The following TLN2 variants were observed in gnomAD, a reference collection of about 807,000 sequenced individuals.
TLN2 encodes talin-2.
In TLN2, 118 loss-of-function variants were observed where a neutral mutation model predicts 294.7. The ratio of observed to expected loss-of-function variants is 0.40; its 90% CI spans 0.34 to 0.47. TLN2 has a LOEUF of 0.47. Among genes scored for constraint, TLN2 ranks in the 20% least tolerant of loss-of-function variants. The pLI is 0.84. For synonymous variants in TLN2, 1,431 were observed against 1,304.5 expected (o/e 1.10, Z -2.09); for missense variants, 3,083 against 3,282.2 (o/e 0.94, Z 1.48).
chr15:62,405,096 G>C (rs963703771), intron 1 of TLN2, among the ~76,000 whole-genome samples: 4 of 152,202 alleles, frequency 2.6e-5, no homozygotes, highest in African/African-American at 9.7e-5. Flanking sequence ...GCTCAGAGGG[G>C]TGTGACGCTT....
At chr15:62,643,283 T>C (rs951556943) in intron 3 of TLN2, among the ~76,000 whole-genome samples, 8 of 152,036 alleles carry the variant, frequency 5.3e-5, no homozygotes, top group African/African-American at 1.9e-4. Context: ...TGGCCTTATC[T>C]CAAGCTTGGA....
At chr15:62,724,872 A>C in intron 26 of TLN2, 104 bp from the exon 27 acceptor site, 1 of 1,375,870 alleles carries the variant, frequency 7.3e-7, no homozygotes, top group Non-Finnish European at 9.6e-7. Context: ...CTGGATTTGG[A>C]GAATCACTGG....
Position 62,455,205 on chromosome 15 carries a change from C to T in TLN2, c.-238+64520C>T, listed in dbSNP as rs533494256. 1.1e-4 allele frequency among the ~76,000 whole-genome samples: 16 copies of T among 152,148 alleles called. No homozygotes were observed. In the East Asian group the frequency reaches 1.5e-3, roughly 15 times the overall value. On this transcript the variant is annotated intron_variant, in intron 1 of 58. Coordinates refer to ENST00000636159, the MANE Select transcript of TLN2 (RefSeq NM_015059.3). ...GAGTGATACAGAGGCAGTGAGTCCC[C>T]GACTCTTCCTGCAGGAGTGTGTAGG...
intron 1 of TLN2, among the ~76,000 whole-genome samples, chr15:62,507,743 T>C (rs1215173507): frequency 6.6e-6 from 1 of 152,186 alleles, no homozygotes; most frequent in African/African-American, 2.4e-5. Flanking sequence ...AGCAATTGAG[T>C]TGTCTTCCCA....
intron 2 of TLN2, among the ~76,000 whole-genome samples, chr15:62,604,908 C>G (rs370487860): frequency 6.6e-6 from 1 of 152,050 alleles, no homozygotes; most frequent in Non-Finnish European, 1.5e-5. Flanking sequence ...TCCTCCTCCT[C>G]CTCCTTTCCC....
At chr15:62,648,974 T>C (rs1213269725) in intron 4 of TLN2, among the ~76,000 whole-genome samples, 2 of 152,064 alleles carry the variant, frequency 1.3e-5, no homozygotes, top group Non-Finnish European at 2.9e-5. Context: ...GCCTCCTGAA[T>C]AGATGGGACT....
At chr15:62,712,871 T>A (rs985987909) in intron 22 of TLN2, among the ~76,000 whole-genome samples, 1 of 152,202 alleles carries the variant, frequency 6.6e-6, no homozygotes, top group East Asian at 1.9e-4. Context: ...ACATTTCTTA[T>A]AGAATTAATA....
Position 62,820,556 on chromosome 15 carries a change from C to T in TLN2, c.6948C>T (p.Ser2316=). The change falls in exon 54 of 59, where the codon TCC becomes TCT. Residue 2316 remains serine (S), a synonymous_variant. Transcript: ENST00000636159. ...AETELLGAAA[S]IEAAAKKLEQ... ...CAGAGTTACTGGGGGCTGCAGCATCCATCGAAGCTGCTGCTAAGAAGTTAG... is the reference window on the plus strand; with the variant it reads ...CAGAGTTACTGGGGGCTGCAGCATCTATCGAAGCTGCTGCTAAGAAGTTAG... The T allele has an allele frequency of 1.2e-6, 2 of 1,613,900 alleles. No homozygotes were observed. Among genetic ancestry groups the T allele is most frequent in the South Asian group, 1.1e-5 (1 of 91,056 alleles).
In TLN2 at chr15:62,650,120, C is replaced by T. The variant is rs780749413; in HGVS notation, c.173C>T (p.Pro58Leu). Residue 58 changes from proline to leucine, a missense_variant, in exon 5 of 59, where the codon CCG (proline) becomes CTG (leucine). Physicochemically the swap from Pro to Leu is moderately conservative, Grantham distance 98. Transcript: ENST00000636159. ...GGACTCTTTCTTTCGGATGAAGACC[C>T]GAGGAAAGGGATTTGGCTGGAAGCG... is the stretch of plus-strand genomic sequence containing the variant. ...DYGLFLSDED[P>L]RKGIWLEAGR... 8.7e-6 allele frequency: 14 copies of T among 1,614,062 alleles called. No homozygotes were observed. Among genetic ancestry groups the T allele is most frequent in the African/African-American group, 1.3e-5 (1 of 75,000 alleles).
At chr15:62,612,168 G>A (rs758007877) in intron 2 of TLN2, among the ~76,000 whole-genome samples, 27 of 152,132 alleles carry the variant, frequency 1.8e-4, no homozygotes, top group Admixed American at 1.3e-4. Flanking sequence ...ATTTGTCATT[G>A]AACAATCGTC....
At chr15:62,710,751 A>C (rs1595746857) in intron 21 of TLN2, among the ~76,000 whole-genome samples, 1 of 31,472 alleles carries the variant, frequency 3.2e-5, no homozygotes, top group African/African-American at 5.9e-5. Flanking sequence ...TTTTTGATGG[A>C]GTCTTGCTCT....
At chr15:62,683,250 G>A (rs2056988971) in intron 11 of TLN2, among the ~76,000 whole-genome samples, 1 of 152,210 alleles carries the variant, frequency 6.6e-6, no homozygotes, top group African/African-American at 2.4e-5. Context: ...GATCTCAGAT[G>A]TGAGGCAGAG....
rs751167835 is a variant in TLN2 at position 62,716,327 on chromosome 15, G to A, written c.2635-4G>A. On this transcript the variant is annotated splice_polypyrimidine_tract_variant and splice_region_variant and intron_variant, in intron 22 of 58. Transcript: ENST00000636159. Reference sequence around the variant, plus strand: ...ACTTGAAATCTTTATTTTTGCCTTTGCAGGGGGCTGCAGCCAACCCAGAGA... The same window carrying A: ...ACTTGAAATCTTTATTTTTGCCTTTACAGGGGGCTGCAGCCAACCCAGAGA... 20 of 1,590,270 alleles carry A rather than the reference G, an allele frequency of 1.3e-5. No individual in the cohort carries two copies. Among genetic ancestry groups the A allele is most frequent in the Non-Finnish European group, 1.7e-5 (20 of 1,171,762 alleles).
intron 40 of TLN2, among the ~76,000 whole-genome samples, chr15:62,764,660 A>G (rs1013632907): frequency 1.3e-5 from 2 of 152,152 alleles, no homozygotes; most frequent in Non-Finnish European, 1.5e-5. Flanking sequence ...CCAGATCAAG[A>G]AACAAAGTTG....
At position 62,842,866 on chromosome 15, in the gene TLN2, C is replaced by T. The variant is rs965186121; in HGVS notation, c.*2256C>T. ...GTTCTCAGTTATCACCTGGTATGGTCCCAGTTTCTCATCTGTCCTTTCCTC... is the reference window on the plus strand; with the variant it reads ...GTTCTCAGTTATCACCTGGTATGGTTCCAGTTTCTCATCTGTCCTTTCCTC... On this transcript the variant is annotated 3_prime_UTR_variant, in exon 59 of 59. Coordinates refer to ENST00000636159, the MANE Select transcript of TLN2 (RefSeq NM_015059.3). The T allele has an allele frequency of 6.6e-6, 1 of 152,162 alleles. No individual in the cohort carries two copies. The highest frequency in any genetic ancestry group is 2.4e-5 in the African/African-American group (1 of 41,418). 9.4% of individuals were successfully genotyped at this position (152,162 alleles called of 1,614,324 possible). A position where few individuals can be genotyped will look rare whatever the true frequency, so the allele number is the denominator to read the frequency against.
At chr15:62,706,389 A>G (rs1423627701) in intron 19 of TLN2, among the ~76,000 whole-genome samples, 7 of 152,264 alleles carry the variant, frequency 4.6e-5, no homozygotes, top group Admixed American at 4.6e-4. Flanking sequence ...TCGCATTTTC[A>G]GTCAGACCAT....
intron 2 of TLN2, among the ~76,000 whole-genome samples, chr15:62,598,989 T>A (rs1418024486): frequency 6.6e-6 from 1 of 152,128 alleles, no homozygotes; most frequent in African/African-American, 2.4e-5. Flanking sequence ...TACCAAAGAA[T>A]TCTTCTCTGT....
chr15:62,750,778 C>T (rs2061893365), intron 34 of TLN2, among the ~76,000 whole-genome samples: 1 of 152,154 alleles, frequency 6.6e-6, no homozygotes, highest in African/African-American at 2.4e-5. Context: ...CCAGGTCCTG[C>T]CCCTGTGGTC....
At chr15:62,624,111 G>A (rs912554609) in intron 3 of TLN2, among the ~76,000 whole-genome samples, 1 of 152,162 alleles carries the variant, frequency 6.6e-6, no homozygotes, top group African/African-American at 2.4e-5. Context: ...CGTGAGTTTT[G>A]TATTCCACTC....
Sources: allele counts gnomAD v4.1 joint callset (sites outside exome capture counted in the v4.1 genomes callset), GRCh38; gene constraint gnomAD v4.1.1; transcripts MANE v1.5; gene names NCBI Gene and HGNC (gene_info 2026-07-23, HGNC 2026-07-21).